The following ACACA variants were observed in gnomAD, a reference collection of about 807,000 sequenced individuals.
The protein encoded by ACACA is acetyl-CoA carboxylase alpha, also known as acetyl-CoA carboxylase 1.
Under a neutral mutation model 296.1 loss-of-function variants are expected in ACACA, and 103 were observed. The ratio of observed to expected loss-of-function variants is 0.35; its 90% CI spans 0.30 to 0.41. The LOEUF (loss-of-function observed/expected upper bound fraction) is 0.41, where lower values mean the gene tolerates loss of function less well. Among genes scored for constraint, ACACA ranks in the 10% least tolerant of loss-of-function variants. The pLI is 1.00. For missense variants in ACACA, 1,554 were observed against 2,989.7 expected (o/e 0.52, Z 11.20); for synonymous variants, 953 against 1,038.6 (o/e 0.92, Z 1.58).
At chr17:37,327,484 C>T (rs1006301471) in intron 3 of ACACA, among the ~76,000 whole-genome samples, 6 of 152,186 alleles carry the variant, frequency 3.9e-5, no homozygotes, top group Admixed American at 6.5e-5. Context: ...CCACGAGCTA[C>T]GGACATGATT....
At chr17:37,246,108 C>G (rs2146004171) in intron 19 of ACACA, among the ~76,000 whole-genome samples, 1 of 152,338 alleles carries the variant, frequency 6.6e-6, no homozygotes. Context: ...GATCAAATGT[C>G]TCTTCTTTCA....
rs146372290 is a variant in ACACA at position 37,167,403 on chromosome 17, C to T, written c.5080-5353G>A. On this transcript the variant is annotated intron_variant, in intron 41 of 55. Coordinates refer to ENST00000616317, the MANE Select transcript of ACACA (RefSeq NM_198834.3). ...ATGCAATCTTGGCTTGCTGCAACCT[C>T]CGCCTCTCAGGTTCAAGTGATTATC... is the stretch of plus-strand genomic sequence containing the variant. Among the ~76,000 whole-genome samples the T allele has an allele frequency of 9.5e-3, 1,444 of 151,364 alleles. 10 individuals are homozygous for T. Among genetic ancestry groups the T allele is most frequent in the Non-Finnish European group, 0.014 (922 of 67,864 alleles).
chr17:37,225,195 AT>A, intron 26 of ACACA, 90 bp from the exon 27 acceptor site: 2 of 799,392 alleles, frequency 2.5e-6, no homozygotes. Flanking sequence ...AGCAATAAAT[AT>A]AAATCTGTAA....
At chr17:37,298,965 G>A (rs1434109190) in intron 3 of ACACA, among the ~76,000 whole-genome samples, 1 of 152,204 alleles carries the variant, frequency 6.6e-6, no homozygotes, top group Non-Finnish European at 1.5e-5. Flanking sequence ...AATCCAGGGA[G>A]TAAATCTGAT....
intron 5 of ACACA, among the ~76,000 whole-genome samples, chr17:37,282,133 G>A (rs2082566039): frequency 6.6e-6 from 1 of 152,212 alleles, no homozygotes; most frequent in South Asian, 2.1e-4. Context: ...CATGAGGGCA[G>A]CTCCCTCATG....
At chr17:37,159,712 A>G (rs1284103788) in intron 42 of ACACA, among the ~76,000 whole-genome samples, 1 of 152,240 alleles carries the variant, frequency 6.6e-6, no homozygotes, top group Non-Finnish European at 1.5e-5. Context: ...TTTAAGTGTT[A>G]TAACTTGATG....
intron 52 of ACACA, among the ~76,000 whole-genome samples, chr17:37,099,107 G>A (rs1664308): frequency 6.6e-6 from 1 of 152,172 alleles, no homozygotes; most frequent in Non-Finnish European, 1.5e-5. Flanking sequence ...TCTGGGAACA[G>A]GCCTTGTTTT....
intron 19 of ACACA, 142 bp downstream of exon 19, chr17:37,246,684 C>A: frequency 9.0e-7 from 1 of 1,114,684 alleles, no homozygotes; most frequent in South Asian, 1.3e-5. Context: ...CTTCCTGCCT[C>A]AGCCTCCCAA....
At position 37,243,387 on chromosome 17, in the gene ACACA, T is replaced by C; in HGVS notation, c.2915A>G (p.Gln972Arg). The change falls in exon 22 of 56, where the codon CAG becomes CGG. Residue 972 changes from glutamine to arginine, a missense_variant. Gln to Arg is a conservative substitution (Grantham distance 43, BLOSUM62 1). Around this residue, in one of 16 missense-constraint regions of ACACA, gnomAD observed 316 missense variants for 540.9 expected, o/e 0.58. Coordinates refer to ENST00000616317, the MANE Select transcript of ACACA (RefSeq NM_198834.3). ...TATAAATACCTGCTGGCTGGGAAAC[T>C]GACAGAGGACTGATGTGATGTTGCT... The part of the protein sequence containing the change: ...YASNITSVLC[Q>R]FPSQQIANIL... The C allele has an allele frequency of 6.2e-7, 1 of 1,614,150 alleles. No homozygotes were observed. Among genetic ancestry groups the C allele is most frequent in the Non-Finnish European group, 8.5e-7 (1 of 1,179,994 alleles).
At chr17:37,274,090 A>AACACCACC in intron 9 of ACACA, 103 bp downstream of exon 9, 2 of 956,736 alleles carry the variant, frequency 2.1e-6, no homozygotes, top group Non-Finnish European at 3.4e-6. Context: ...TTACATCCCT[A>AACACCACC]ACACCACCTT....
chr17:37,195,245 AG>A, intron 35 of ACACA, among the ~76,000 whole-genome samples: 1 of 152,330 alleles, frequency 6.6e-6, no homozygotes, highest in East Asian at 1.9e-4. Flanking sequence ...ATGTTTGTTT[AG>A]GATGCCATTT....
chr17:37,403,464 T>C (rs1265505550), intron 1 of ACACA, among the ~76,000 whole-genome samples: 1 of 150,666 alleles, frequency 6.6e-6, no homozygotes, highest in Admixed American at 6.7e-5. Flanking sequence ...CTCAACCCTC[T>C]GGGCTGAAGT....
chr17:37,245,430 T>C (rs971719164), intron 19 of ACACA, among the ~76,000 whole-genome samples: 1 of 152,208 alleles, frequency 6.6e-6, no homozygotes, highest in Admixed American at 6.5e-5. Flanking sequence ...GTTATTGACA[T>C]TTCTCCTTTC....
intron 3 of ACACA, among the ~76,000 whole-genome samples, chr17:37,294,060 G>A (rs1283959101): frequency 6.6e-6 from 1 of 151,336 alleles, no homozygotes; most frequent in Non-Finnish European, 1.5e-5. Flanking sequence ...TAAATACACT[G>A]GTATTTTTTT....
At chr17:37,204,056 T>C (rs2078391376) in intron 33 of ACACA, among the ~76,000 whole-genome samples, 1 of 152,174 alleles carries the variant, frequency 6.6e-6, no homozygotes, top group Non-Finnish European at 1.5e-5. Flanking sequence ...CATTACATGA[T>C]GTGAATGCCA....
At chr17:37,351,082 G>C (rs1293084484) in intron 1 of ACACA, among the ~76,000 whole-genome samples, 1 of 152,226 alleles carries the variant, frequency 6.6e-6, no homozygotes, top group African/African-American at 2.4e-5. Flanking sequence ...GGAGATTGCA[G>C]TGCGCTGAGA....
intron 1 of ACACA, among the ~76,000 whole-genome samples, chr17:37,347,350 G>C (rs564390934): frequency 6.6e-6 from 1 of 152,138 alleles, no homozygotes; most frequent in Non-Finnish European, 1.5e-5. Flanking sequence ...CCAGTCTCGA[G>C]TATGTCTTTA....
At chr17:37,111,284 G>A (rs976331179) in intron 52 of ACACA, among the ~76,000 whole-genome samples, 3 of 151,916 alleles carry the variant, frequency 2.0e-5, no homozygotes, top group East Asian at 3.9e-4. Context: ...TTAGAAAGAC[G>A]GGCTTTTTGT....
At chr17:37,291,143 T>TACACACACACACACAAAC (rs2083039348) in intron 3 of ACACA, among the ~76,000 whole-genome samples, 1 of 136,876 alleles carries the variant, frequency 7.3e-6, no homozygotes, top group African/African-American at 2.8e-5. Flanking sequence ...GAAAAACACA[T>TACACACACACACACAAAC]ACACACACAC....
Sources: gnomAD v4.1 joint callset for allele counts (sites outside exome capture counted in the v4.1 genomes callset) on GRCh38, gnomAD v4.1.1 for gene constraint, gnomAD v4.1.1 regional missense constraint, MANE v1.5 for transcripts, NCBI Gene and HGNC (gene_info 2026-07-23, HGNC 2026-07-21) for gene names.